Variants in FSD1L observed in about 807,000 individuals in gnomAD.
The protein encoded by FSD1L is fibronectin type III and SPRY domain containing 1 like, also known as FSD1-like protein.
Under a neutral mutation model 71.6 loss-of-function variants are expected in FSD1L, and 45 were observed. The ratio of observed to expected loss-of-function variants is 0.63; its 90% CI spans 0.49 to 0.81. The LOEUF (loss-of-function observed/expected upper bound fraction) is 0.81, where lower values mean the gene tolerates loss of function less well. Among genes scored for constraint, FSD1L ranks in the 30% least tolerant of loss-of-function variants. The probability of loss-of-function intolerance (pLI) is 0.00; values close to 1 mark genes in which losing one functional copy is unlikely to be tolerated. For synonymous variants in FSD1L, 197 were observed against 207.2 expected (o/e 0.95, Z 0.42); for missense variants, 561 against 618.1 (o/e 0.91, Z 0.98).
At chr9:105,451,229 G>C (rs1199339458) in intron 1 of FSD1L, among the ~76,000 whole-genome samples, 3 of 152,240 alleles carry the variant, frequency 2.0e-5, no homozygotes, top group Non-Finnish European at 4.4e-5. Context: ...AAAGTGCTGG[G>C]ATTACAGGCG....
intron 7 of FSD1L, among the ~76,000 whole-genome samples, chr9:105,495,819 A>G (rs926509022): frequency 5.3e-5 from 8 of 152,124 alleles, no homozygotes; most frequent in Non-Finnish European, 1.2e-4. Flanking sequence ...TACTAAAAAT[A>G]CAAAAATTAG....
At chr9:105,540,006 C>T (rs939369632) in intron 13 of FSD1L, among the ~76,000 whole-genome samples, 2 of 151,654 alleles carry the variant, frequency 1.3e-5, no homozygotes, top group Non-Finnish European at 2.9e-5. Context: ...GAGTATATAC[C>T]TATGATTGGG....
intron 10 of FSD1L, among the ~76,000 whole-genome samples, chr9:105,530,174 A>G (rs1457493441): frequency 6.6e-6 from 1 of 152,194 alleles, no homozygotes; most frequent in African/African-American, 2.4e-5. Flanking sequence ...ATAATGAAAA[A>G]GATGAATTGG....
chr9:105,494,220 A>G (rs1259695651), intron 7 of FSD1L, among the ~76,000 whole-genome samples: 1 of 151,916 alleles, frequency 6.6e-6, no homozygotes, highest in African/African-American at 2.4e-5. Context: ...TTTTTTCTCT[A>G]AACTTCCCTT....
intron 7 of FSD1L, among the ~76,000 whole-genome samples, chr9:105,504,655 A>G (rs1232597112): frequency 2.0e-5 from 3 of 152,222 alleles, no homozygotes; most frequent in African/African-American, 7.2e-5. Flanking sequence ...AAGTCCCTAA[A>G]AAATGGTTAT....
intron 10 of FSD1L, among the ~76,000 whole-genome samples, chr9:105,518,307 G>A (rs954582483): frequency 1.7e-4 from 26 of 152,134 alleles, no homozygotes; most frequent in Admixed American, 1.4e-3. Flanking sequence ...TGGATCAAGC[G>A]GACGTAATAG....
At position 105,507,347 on chromosome 9, in the gene FSD1L, T is replaced by C. The variant is rs1045742239; in HGVS notation, c.796+739T>C. Among the ~76,000 whole-genome samples the C allele has an allele frequency of 3.9e-5, 6 of 152,332 alleles. 1 individual carries two copies. The highest frequency in any genetic ancestry group is 3.9e-4 in the East Asian group (2 of 5,190). ...AAATGGCAAAATATTGCCTGAGTTG[T>C]CCAATGCTTATTACGCATGAGGAGT... On this transcript the variant is annotated intron_variant, in intron 8 of 13. Coordinates refer to ENST00000481272, the MANE Select transcript of FSD1L (RefSeq NM_001145313.3).
chr9:105,458,004 C>T (rs1201560706), intron 1 of FSD1L, among the ~76,000 whole-genome samples: 2 of 152,184 alleles, frequency 1.3e-5, no homozygotes, highest in Non-Finnish European at 1.5e-5. Context: ...CCCAAGGGGT[C>T]GGGGGCAGGG....
intron 10 of FSD1L, among the ~76,000 whole-genome samples, chr9:105,515,200 C>T (rs928641188): frequency 3.9e-5 from 6 of 152,168 alleles, no homozygotes; most frequent in African/African-American, 7.2e-5. Context: ...CGCCCGCCTA[C>T]GCTTGGGCCT....
chr9:105,501,905 G>A (rs1833787237), intron 7 of FSD1L, among the ~76,000 whole-genome samples: 1 of 152,012 alleles, frequency 6.6e-6, no homozygotes, highest in South Asian at 2.1e-4. Context: ...AGGTCAGTTA[G>A]GTTCCTATCA....
In FSD1L at chr9:105,489,837, A is replaced by T. The variant is rs148874828; in HGVS notation, c.586+5335A>T. On this transcript the variant is annotated intron_variant, in intron 7 of 13. Coordinates refer to ENST00000481272, the MANE Select transcript of FSD1L (RefSeq NM_001145313.3). ...ACGTCCCTACAAAGGACATGAACTC[A>T]TCATTTTTATGGCTGCGTAGTATTC... Among the ~76,000 whole-genome samples, 462 of 152,324 alleles carry T rather than the reference A, an allele frequency of 3.0e-3. 2 individuals are homozygous for T. Among genetic ancestry groups the T allele is most frequent in the African/African-American group, 0.011 (444 of 41,570 alleles).
At chr9:105,462,901 G>A (rs1281263625) in intron 2 of FSD1L, among the ~76,000 whole-genome samples, 1 of 150,202 alleles carries the variant, frequency 6.7e-6, no homozygotes, top group Non-Finnish European at 1.5e-5. Context: ...ACTTTGGGAG[G>A]TTGAGGCAGG....
At chr9:105,470,756 G>A (rs147690857) in intron 4 of FSD1L, among the ~76,000 whole-genome samples, 351 of 152,058 alleles carry the variant, frequency 2.3e-3, no homozygotes, top group African/African-American at 8.1e-3. Context: ...CATATTTGGG[G>A]GTGGGGGATG....
At chr9:105,462,071 C>T (rs1830734837) in intron 2 of FSD1L, among the ~76,000 whole-genome samples, 1 of 151,928 alleles carries the variant, frequency 6.6e-6, no homozygotes, top group African/African-American at 2.4e-5. Flanking sequence ...AAATGCAAAG[C>T]TTGCTACTAA....
At chr9:105,465,433 G>A (rs549418724) in intron 3 of FSD1L, among the ~76,000 whole-genome samples, 1 of 152,216 alleles carries the variant, frequency 6.6e-6, no homozygotes, top group East Asian at 1.9e-4. Context: ...CAATAATAAA[G>A]CCAAACCAGG....
rs150640855 is a variant in FSD1L at position 105,486,843 on chromosome 9, C to G, written c.586+2341C>G. Among the ~76,000 whole-genome samples, 304 of 152,244 alleles carry G rather than the reference C, an allele frequency of 2.0e-3. 1 individual carries two copies. The highest frequency in any genetic ancestry group is 6.9e-3 in the African/African-American group (288 of 41,560). ...GTACAAAAGAGTATAAAGTAGCCCT[C>G]TCATCTCAGACTTCCAATTTTCTTC... On this transcript the variant is annotated intron_variant, in intron 7 of 13. Coordinates refer to ENST00000481272, the MANE Select transcript of FSD1L (RefSeq NM_001145313.3).
intron 10 of FSD1L, chr9:105,523,330 A>G: frequency 8.8e-6 from 14 of 1,591,702 alleles, no homozygotes; most frequent in Non-Finnish European, 1.2e-5. Flanking sequence ...AAGCTCCACC[A>G]CGCTGTTCTT....
At chr9:105,542,862 T>C (rs1037688471) in intron 13 of FSD1L, among the ~76,000 whole-genome samples, 26 of 152,228 alleles carry the variant, frequency 1.7e-4, no homozygotes, top group South Asian at 1.0e-3. Flanking sequence ...TTTCTGAACA[T>C]TTCAGAGAGA....
At chr9:105,482,777 ATTC>A (rs1195171485) in intron 6 of FSD1L, among the ~76,000 whole-genome samples, 2 of 152,164 alleles carry the variant, frequency 1.3e-5, no homozygotes, top group Non-Finnish European at 2.9e-5. Context: ...TATGGGGCAT[ATTC>A]TTTTTCTTTG....
Sources: allele counts gnomAD v4.1 joint callset (sites outside exome capture counted in the v4.1 genomes callset), GRCh38; gene constraint gnomAD v4.1.1; transcripts MANE v1.5; gene names NCBI Gene and HGNC (gene_info 2026-07-23, HGNC 2026-07-21).